MACF1: variants seen among roughly 807,000 people sequenced by gnomAD.
MACF1 encodes microtubule actin crosslinking factor 1.
Under a neutral mutation model 854.8 loss-of-function variants are expected in MACF1, and 193 were observed. The ratio of observed to expected loss-of-function variants is 0.23; its 90% CI spans 0.20 to 0.25. The LOEUF is 0.25. Among genes scored for constraint, MACF1 ranks in the 10% least tolerant of loss-of-function variants. The probability of loss-of-function intolerance (pLI) is 1.00; values close to 1 mark genes in which losing one functional copy is unlikely to be tolerated. For missense variants in MACF1, 7,722 were observed against 8,929.1 expected (o/e 0.86, Z 5.45); for synonymous variants, 3,185 against 3,226.7 (o/e 0.99, Z 0.44).
At chr1:39,114,411 A>G (rs1642495697) in intron 2 of MACF1, among the ~76,000 whole-genome samples, 1 of 152,072 alleles carries the variant, frequency 6.6e-6, no homozygotes, top group Non-Finnish European at 1.5e-5. Flanking sequence ...ATCCACATAC[A>G]TAAGAAGTGT....
intron 38 of MACF1, among the ~76,000 whole-genome samples, chr1:39,338,575 C>G (rs932547706): frequency 1.3e-5 from 2 of 152,204 alleles, no homozygotes; most frequent in African/African-American, 4.8e-5. Context: ...AGCCTGGCAA[C>G]TGCTTGTGCT....
intron 58 of MACF1, among the ~76,000 whole-genome samples, chr1:39,389,509 A>C (rs1283095696): frequency 2.6e-5 from 4 of 151,214 alleles, no homozygotes; most frequent in Non-Finnish European, 5.9e-5. Flanking sequence ...ACAGTCGCTC[A>C]CCACCACGCC....
chr1:39,150,433 G>A (rs577419147), intron 2 of MACF1, among the ~76,000 whole-genome samples: 1 of 152,142 alleles, frequency 6.6e-6, no homozygotes, highest in East Asian at 1.9e-4. Context: ...ATAATACAGT[G>A]GATTATTGTC....
At chr1:39,113,067 T>A (rs1642452323) in intron 2 of MACF1, among the ~76,000 whole-genome samples, 1 of 152,144 alleles carries the variant, frequency 6.6e-6, no homozygotes, top group Non-Finnish European at 1.5e-5. Flanking sequence ...ATTTCTACTG[T>A]CACCCATCAT....
At chr1:39,463,154 G>T (rs1164282799) in intron 93 of MACF1, among the ~76,000 whole-genome samples, 32 of 152,140 alleles carry the variant, frequency 2.1e-4, no homozygotes, top group Admixed American at 2.1e-3. Context: ...ATTTGGAACA[G>T]ACAATAAATG....
At chr1:39,470,486 A>T (rs963074814) in intron 97 of MACF1, among the ~76,000 whole-genome samples, 6 of 152,158 alleles carry the variant, frequency 3.9e-5, no homozygotes, top group African/African-American at 1.2e-4. Flanking sequence ...ACAAAAAAAA[A>T]TTTAAAAATT....
In MACF1 at chr1:39,372,527, A is replaced by G. The variant is rs1477288313; in HGVS notation, c.13144A>G (p.Asn4382Asp). 6.2e-7 allele frequency: 1 copy of G among 1,613,934 alleles called. No individual in the cohort carries two copies. The highest frequency in any genetic ancestry group is 8.5e-7 in the Non-Finnish European group (1 of 1,179,872). ...ASKGTLVEEI[N>D]CKGTSLENLI... Reference sequence around the variant, plus strand: ...TAAGGGAACTCTGGTGGAAGAAATCAATTGCAAAGGTACTTCTTTAGAAAA... The same window carrying G: ...TAAGGGAACTCTGGTGGAAGAAATCGATTGCAAAGGTACTTCTTTAGAAAA... The change falls in exon 52 of 101, where the codon AAT (asparagine) becomes GAT (aspartate). Residue 4382 changes from asparagine to aspartate, a missense_variant. Transcript: ENST00000564288.
rs2148383178 is a variant in MACF1, at chr1:39,283,556, C to T, written c.915+41C>T. On this transcript the variant is annotated intron_variant, in intron 9 of 100. Transcript: ENST00000564288. This position sits in a 1 kb window ranked among gnomAD's most constrained non-coding sequence, Gnocchi z 4.5. ...CCTAGAAGGCCTTCTGACTTTGATT[C>T]ATTTGGGTGAAATGCATTGGTTAGA... The T allele has an allele frequency of 7.1e-7, 1 of 1,416,844 alleles. No homozygotes were observed. Among genetic ancestry groups the T allele is most frequent in the East Asian group, 2.3e-5 (1 of 43,920 alleles). The allele number at this position is 1,416,844 out of a possible 1,614,324, so 87.8% of individuals were successfully genotyped here.
Position 39,435,900 on chromosome 1 carries a change from T to C in MACF1, c.17988+139T>C, listed in dbSNP as rs141561270. On this transcript the variant is annotated intron_variant, in intron 70 of 100. Transcript: ENST00000564288. The stretch of plus-strand genomic sequence containing the variant: ...TGATCGGTAGATAGAACAGAAAGCT[T>C]AGCCTATCTTCATTTTTATTCCAAG... 1.6e-3 allele frequency: 1,140 copies of C among 693,954 alleles called. 10 individuals are homozygous for C. The East Asian group carries it at 0.018, about 11-fold the overall frequency. 43.0% of individuals were successfully genotyped at this position (693,954 alleles called of 1,614,324 possible). A position where few individuals can be genotyped will look rare whatever the true frequency, so the allele number is the denominator to read the frequency against.
At chr1:39,381,387 G>C (rs1240981937) in intron 55 of MACF1, among the ~76,000 whole-genome samples, 1 of 144,332 alleles carries the variant, frequency 6.9e-6, no homozygotes, top group Non-Finnish European at 1.5e-5. Flanking sequence ...TTGGGGGGGG[G>C]GACAGGGTCT....
In MACF1 at chr1:39,332,153, A is replaced by T; in HGVS notation, c.5565A>T (p.Glu1855Asp). The T allele has an allele frequency of 6.2e-7, 1 of 1,614,134 alleles. No individual in the cohort carries two copies. Among genetic ancestry groups the T allele is most frequent in the Non-Finnish European group, 8.5e-7 (1 of 1,180,022 alleles). ...LWSFMGLLWP[E>D]SGEILPITDA... ...CATTCATGGGGTTGCTGTGGCCTGAATCTGGAGAGATCCTCCCAATTACAG... is the reference window on the plus strand; with the variant it reads ...CATTCATGGGGTTGCTGTGGCCTGATTCTGGAGAGATCCTCCCAATTACAG... Residue 1855 changes from glutamate to aspartate, a missense_variant, in exon 37 of 101, where the codon GAA (glutamate) becomes GAT (aspartate). Physicochemically the swap from Glu to Asp is conservative, Grantham distance 45. Transcript: ENST00000564288.
intron 44 of MACF1, among the ~76,000 whole-genome samples, chr1:39,354,206 G>A (rs1307280653): frequency 2.0e-5 from 3 of 151,948 alleles, no homozygotes; most frequent in Non-Finnish European, 4.4e-5. Flanking sequence ...TTTCCTCTGG[G>A]CCTTTACATG....
intron 2 of MACF1, among the ~76,000 whole-genome samples, chr1:39,243,987 G>T (rs941859191): frequency 6.6e-6 from 1 of 152,000 alleles, no homozygotes; most frequent in South Asian, 2.1e-4. Context: ...TTCAGAAACA[G>T]ACTGCTGTTT....
chr1:39,478,119 C>T (rs783828), intron 97 of MACF1, among the ~76,000 whole-genome samples: 7,549 of 151,506 alleles, frequency 0.05, 534 homozygotes, highest in African/African-American at 0.16. Flanking sequence ...TCTCCTGCCT[C>T]AGCCTCCTGA....
chr1:39,412,202 G>T, intron 58 of MACF1: 1 of 1,613,936 alleles, frequency 6.2e-7, no homozygotes, highest in Non-Finnish European at 8.5e-7. Context: ...GGTGAGGAGT[G>T]CATTGAGAGG....
rs531949589 is a variant in MACF1, at chr1:39,452,857, T to C, written c.20742+45T>C. On this transcript the variant is annotated intron_variant, in intron 87 of 100. Coordinates refer to ENST00000564288, the MANE Select transcript of MACF1 (RefSeq NM_001394062.1). ...TGGTGACCTCATGCTACCTACCACC[T>C]TGAGGGCTGCCTACCACTAAATGAA... The C allele has an allele frequency of 8.8e-6, 14 of 1,598,758 alleles. No homozygotes were observed. In the South Asian group the frequency reaches 1.5e-4, roughly 18 times the overall value.
At chr1:39,179,251 G>A (rs552577253) in intron 2 of MACF1, among the ~76,000 whole-genome samples, 4 of 152,046 alleles carry the variant, frequency 2.6e-5, no homozygotes, top group Non-Finnish European at 5.9e-5. Context: ...CCCAGACCCC[G>A]TGTTGCTCTA....
chr1:39,182,166 A>T (rs865946944), intron 2 of MACF1, among the ~76,000 whole-genome samples: 1 of 151,662 alleles, frequency 6.6e-6, no homozygotes, highest in South Asian at 2.1e-4. Flanking sequence ...AAAAAAAAAA[A>T]AGAATTTAAA....
chr1:39,337,990 T>C (rs1433930554), intron 38 of MACF1, among the ~76,000 whole-genome samples: 1 of 152,120 alleles, frequency 6.6e-6, no homozygotes, highest in Non-Finnish European at 1.5e-5. Context: ...AAGATGGTCT[T>C]GATCTCCTGA....
Sources: allele counts gnomAD v4.1 joint callset (sites outside exome capture counted in the v4.1 genomes callset), GRCh38; gene constraint gnomAD v4.1.1; non-coding constraint Gnocchi (gnomAD v3.1); transcripts MANE v1.5; gene names NCBI Gene and HGNC (gene_info 2026-07-23, HGNC 2026-07-21).